Variants in DOCK2 observed in about 807,000 individuals in gnomAD.
The protein encoded by DOCK2 is dedicator of cytokinesis protein 2.
A neutral mutation model predicts 248.9 loss-of-function variants in DOCK2; 87 were observed. The observed-to-expected ratio is 0.35, with a 90% CI of 0.29 to 0.42. The LOEUF (loss-of-function observed/expected upper bound fraction) is 0.42. DOCK2 is among the 10% of genes least tolerant of loss of function. DOCK2 has a pLI of 1.00. For missense variants in DOCK2, 1,747 were observed against 2,300.2 expected (o/e 0.76, Z 4.92); for synonymous variants, 805 against 821.6 (o/e 0.98, Z 0.35).
chr5:169,697,428 C>T (rs1760699364), intron 10 of DOCK2, among the ~76,000 whole-genome samples: 1 of 152,190 alleles, frequency 6.6e-6, no homozygotes, highest in African/African-American at 2.4e-5. Context: ...TTAGTTTCAG[C>T]AGAAGCCCCA....
intron 27 of DOCK2, among the ~76,000 whole-genome samples, chr5:169,882,199 G>A (rs944357291): frequency 3.3e-5 from 5 of 152,146 alleles, no homozygotes; most frequent in African/African-American, 1.2e-4. Flanking sequence ...CTAAGAGGAG[G>A]GGGATGGGGA....
At chr5:169,795,951 G>T (rs1766623412) in intron 25 of DOCK2, among the ~76,000 whole-genome samples, 1 of 152,190 alleles carries the variant, frequency 6.6e-6, no homozygotes, top group Non-Finnish European at 1.5e-5. Flanking sequence ...CAGTCAATAG[G>T]AACTTGGCCA....
intron 26 of DOCK2, among the ~76,000 whole-genome samples, chr5:169,803,948 G>A (rs1767150818): frequency 6.6e-6 from 1 of 152,182 alleles, no homozygotes; most frequent in Non-Finnish European, 1.5e-5. Flanking sequence ...TCCTCTGGCA[G>A]CTCCTCTTTG....
chr5:169,828,867 G>A (rs1430275474), intron 26 of DOCK2, among the ~76,000 whole-genome samples: 2 of 152,178 alleles, frequency 1.3e-5, no homozygotes, highest in Non-Finnish European at 2.9e-5. Flanking sequence ...ACAGGTACTT[G>A]TGCTAGGTGT....
At chr5:169,643,665 C>T (rs763696472) in intron 1 of DOCK2, among the ~76,000 whole-genome samples, 6 of 152,142 alleles carry the variant, frequency 3.9e-5, no homozygotes, top group Non-Finnish European at 8.8e-5. Context: ...CAACCAGTAC[C>T]GGTCGGTGGC....
intron 27 of DOCK2, chr5:169,980,675 C>G (rs1463852516): frequency 6.6e-6 from 1 of 152,174 alleles, no homozygotes; most frequent in Admixed American, 6.5e-5. Flanking sequence ...TGCATTTGGC[C>G]TGGCTGGAGG....
intron 27 of DOCK2, among the ~76,000 whole-genome samples, chr5:169,975,088 A>C (rs528800200): frequency 1.9e-4 from 29 of 152,186 alleles, no homozygotes; most frequent in Non-Finnish European, 3.4e-4. Context: ...TCAATGTAAA[A>C]CTAAAGTCCA....
At chr5:169,860,074 T>C (rs1282262338) in intron 27 of DOCK2, among the ~76,000 whole-genome samples, 2 of 148,064 alleles carry the variant, frequency 1.4e-5, no homozygotes, top group Non-Finnish European at 3.0e-5. Context: ...TAAGCTATCC[T>C]CCTGCCTCAG....
At chr5:169,867,624 TC>T (rs1771668277) in intron 27 of DOCK2, among the ~76,000 whole-genome samples, 1 of 74,918 alleles carries the variant, frequency 1.3e-5, no homozygotes, top group Non-Finnish European at 2.6e-5. Context: ...TCATTATCTA[TC>T]ATCTATCTAT....
rs187197739 is a variant in DOCK2 at position 170,018,986 on chromosome 5, G to A, written c.3259G>A (p.Gly1087Ser). ...LGQNKICFIPGMVGPILEMTL... is the reference protein window; with the variant it reads ...LGQNKICFIPSMVGPILEMTL... ...TCAGAACAAAATCTGCTTCATCCCA[G>A]GCATGGTAGGACCTATATTAGAGAT... The change falls in exon 33 of 52, where the codon GGC (glycine) becomes AGC (serine). Residue 1087 changes from glycine (G) to serine (S), a missense_variant. This residue lies in a region of DOCK2 where 858 missense variants were observed against 1,183.5 expected (regional missense o/e 0.72). Transcript: ENST00000520908. 250 of 1,614,024 alleles carry A rather than the reference G, an allele frequency of 1.5e-4. 1 individual carries two copies. The highest frequency in any genetic ancestry group is 5.0e-5 in the Non-Finnish European group (59 of 1,179,950).
chr5:169,717,203 A>C (rs954014092), intron 20 of DOCK2, among the ~76,000 whole-genome samples, 181 bp from the exon 21 acceptor site: 1 of 152,204 alleles, frequency 6.6e-6, no homozygotes, highest in Non-Finnish European at 1.5e-5. Context: ...ATAACACCCC[A>C]CAGCACACTT....
chr5:169,985,987 T>G, intron 29 of DOCK2, 65 bp downstream of exon 29: 1 of 1,426,572 alleles, frequency 7.0e-7, no homozygotes, highest in Non-Finnish European at 9.5e-7. Context: ...TCACTTATTT[T>G]GGGTTAAATT....
chr5:169,848,333 G>A (rs886104949), intron 27 of DOCK2, among the ~76,000 whole-genome samples: 5 of 152,214 alleles, frequency 3.3e-5, no homozygotes, highest in African/African-American at 9.7e-5. Context: ...GAATAAGCAG[G>A]ATGTGAACCA....
chr5:169,801,225 C>T (rs1272077908), intron 25 of DOCK2, among the ~76,000 whole-genome samples: 1 of 135,736 alleles, frequency 7.4e-6, no homozygotes, highest in Non-Finnish European at 1.5e-5. Context: ...TGGTCTGACA[C>T]TCCTGACCTC....
At chr5:169,685,341 G>A (rs980409473) in intron 8 of DOCK2, among the ~76,000 whole-genome samples, 2 of 152,196 alleles carry the variant, frequency 1.3e-5, no homozygotes, top group African/African-American at 4.8e-5. Flanking sequence ...AATCTCCAGG[G>A]AAGAGACTTT....
chr5:170,082,639 C>T (rs1244686599), intron 51 of DOCK2, among the ~76,000 whole-genome samples, 157 bp from the exon 52 acceptor site: 1 of 152,186 alleles, frequency 6.6e-6, no homozygotes, highest in Non-Finnish European at 1.5e-5. Flanking sequence ...TCTACCACTG[C>T]CTTTCTGGCC....
At chr5:169,810,423 T>C (rs1372972073) in intron 26 of DOCK2, among the ~76,000 whole-genome samples, 2 of 152,234 alleles carry the variant, frequency 1.3e-5, no homozygotes, top group Non-Finnish European at 2.9e-5. Flanking sequence ...AGTGTTCTAA[T>C]TGACTCTTAC....
At chr5:169,896,045 G>A (rs951148775) in intron 27 of DOCK2, among the ~76,000 whole-genome samples, 5 of 152,124 alleles carry the variant, frequency 3.3e-5, no homozygotes, top group Admixed American at 6.5e-5. Context: ...CTGGGCCAAC[G>A]ACCAGGACAG....
chr5:169,779,907 C>A (rs904906300), intron 25 of DOCK2, among the ~76,000 whole-genome samples: 3 of 152,010 alleles, frequency 2.0e-5, no homozygotes, highest in Non-Finnish European at 4.4e-5. Flanking sequence ...ACTGTGGCCC[C>A]GTAGAGAGTG....
Sources: gnomAD v4.1 joint callset for allele counts (sites outside exome capture counted in the v4.1 genomes callset) on GRCh38, gnomAD v4.1.1 for gene constraint, gnomAD v4.1.1 regional missense constraint, MANE v1.5 for transcripts, NCBI Gene and HGNC (gene_info 2026-07-23, HGNC 2026-07-21) for gene names.